Variants in RIPK1 observed in about 807,000 individuals in gnomAD.
RIPK1 encodes the protein receptor interacting serine/threonine kinase 1, also known as receptor-interacting serine/threonine-protein kinase 1.
Under a neutral mutation model 62.4 loss-of-function variants are expected in RIPK1, and 27 were observed. The ratio of observed to expected loss-of-function variants is 0.43; its 90% CI spans 0.32 to 0.60. RIPK1 has a LOEUF of 0.60. Among genes scored for constraint, RIPK1 ranks in the 20% least tolerant of loss-of-function variants. The probability of loss-of-function intolerance (pLI) is 0.07; values close to 1 mark genes in which losing one functional copy is unlikely to be tolerated. For synonymous variants in RIPK1, 287 were observed against 303.2 expected (o/e 0.95, Z 0.55); for missense variants, 735 against 831.0 (o/e 0.88, Z 1.42).
chr6:3,102,058 A>AT (rs1311064723), intron 7 of RIPK1, among the ~76,000 whole-genome samples: 1 of 152,170 alleles, frequency 6.6e-6, no homozygotes, highest in Non-Finnish European at 1.5e-5. Context: ...AGTCTGGCAT[A>AT]TTTCACTTAG....
Position 3,069,785 on chromosome 6 carries a change from A to T in RIPK1, c.-61+1124A>T, listed in dbSNP as rs932919460. On this transcript the variant is annotated intron_variant, in intron 1 of 10. Coordinates refer to ENST00000259808, the MANE Select transcript of RIPK1 (RefSeq NM_001354930.2). ...CGAGCACTTCGGAGGCCGAGGTGGG[A>T]GGATCACCTGAGGTCAGGAGTTCGA... Among the ~76,000 whole-genome samples, 7 of 152,148 alleles carry T rather than the reference A, an allele frequency of 4.6e-5. No homozygotes were observed. The East Asian group carries it at 1.3e-3, about 29-fold the overall frequency.
At chr6:3,089,508 TA>T (rs1759907247) in intron 6 of RIPK1, 72 bp from the exon 7 acceptor site, 1 of 788,712 alleles carries the variant, frequency 1.3e-6, no homozygotes, top group Non-Finnish European at 2.1e-6. Flanking sequence ...AATTCAAAGA[TA>T]ATAGATGGCT....
chr6:3,078,455 A>G (rs1210067255), intron 3 of RIPK1, among the ~76,000 whole-genome samples: 3 of 152,218 alleles, frequency 2.0e-5, no homozygotes, highest in African/African-American at 4.8e-5. Context: ...ACAGTCCTCC[A>G]TAGTCTGTGT....
rs919927487 is a variant in RIPK1, at chr6:3,114,977, C to T, written c.*1638C>T. 6 of 152,158 alleles carry T rather than the reference C, an allele frequency of 3.9e-5. No individual in the cohort carries two copies. The highest frequency in any genetic ancestry group is 3.9e-4 in the Admixed American group (6 of 15,280). The allele number at this position is 152,158 out of a possible 1,614,324, so 9.4% of individuals were successfully genotyped here. A position where few individuals can be genotyped will look rare whatever the true frequency, so the allele number is the denominator to read the frequency against. Reference sequence around the variant, plus strand: ...GTCCGGTTACTACTTGGCCACCACGCAGCCTTGGCTCCTACAGCCCAAAAG... The same window carrying T: ...GTCCGGTTACTACTTGGCCACCACGTAGCCTTGGCTCCTACAGCCCAAAAG... On this transcript the variant is annotated 3_prime_UTR_variant, in exon 11 of 11. Transcript: ENST00000259808. The surrounding 1 kb of genome is among the most constrained non-coding windows in gnomAD (Gnocchi z 5.0).
chr6:3,073,892 C>T (rs945585678), intron 1 of RIPK1, among the ~76,000 whole-genome samples: 12 of 152,244 alleles, frequency 7.9e-5, no homozygotes, highest in African/African-American at 2.9e-4. Flanking sequence ...CCACGACTAT[C>T]GTCTTAACAC....
At chr6:3,076,107 C>G (rs1759034254) in intron 1 of RIPK1, among the ~76,000 whole-genome samples, 1 of 152,112 alleles carries the variant, frequency 6.6e-6, no homozygotes, top group Non-Finnish European at 1.5e-5. Context: ...CCCTAGAGTT[C>G]TTTTCCTTTC....
Position 3,083,304 on chromosome 6 carries a change from C to A in RIPK1, c.679C>A (p.Pro227Thr). Reference sequence around the variant, plus strand: ...CTGGGCGATATTTGCAAATAAGGAGCCATATGAAAGTAAGGCATTACTTAC... The same window carrying A: ...CTGGGCGATATTTGCAAATAAGGAGACATATGAAAGTAAGGCATTACTTAC... The part of the protein sequence containing the change: ...VLWAIFANKE[P>T]YENAICEQQL... The change falls in exon 5 of 11, where the codon CCA becomes ACA. Residue 227 changes from proline (P) to threonine (T), a missense_variant. Transcript: ENST00000259808. The A allele has an allele frequency of 6.2e-7, 1 of 1,612,174 alleles. No individual in the cohort carries two copies. Among genetic ancestry groups the A allele is most frequent in the Non-Finnish European group, 8.5e-7 (1 of 1,179,676 alleles).
chr6:3,071,617 A>G (rs1193330536), intron 1 of RIPK1, among the ~76,000 whole-genome samples: 1 of 152,206 alleles, frequency 6.6e-6, no homozygotes, highest in Non-Finnish European at 1.5e-5. Context: ...AGTGCTCATA[A>G]AGTTGAATCT....
At chr6:3,077,708 T>C (rs1759149739) in intron 2 of RIPK1, 71 bp from the exon 3 acceptor site, 2 of 1,520,964 alleles carry the variant, frequency 1.3e-6, no homozygotes, top group Non-Finnish European at 1.8e-6. Context: ...GAGTGATGTG[T>C]TGGAGGTGTG....
chr6:3,065,478 C>A (rs970648550), upstream of RIPK1, among the ~76,000 whole-genome samples: 4 of 150,942 alleles, frequency 2.7e-5, no homozygotes, highest in African/African-American at 9.8e-5. Flanking sequence ...TTAGACCAGG[C>A]ACAGGATCCA....
At chr6:3,082,152 G>C (rs1437168570) in intron 4 of RIPK1, among the ~76,000 whole-genome samples, 1 of 152,172 alleles carries the variant, frequency 6.6e-6, no homozygotes, top group Non-Finnish European at 1.5e-5. Flanking sequence ...GGAAGCGGAA[G>C]GGGAAGCAGC....
chr6:3,101,956 C>T (rs890633329), intron 7 of RIPK1, among the ~76,000 whole-genome samples: 3 of 152,194 alleles, frequency 2.0e-5, no homozygotes, highest in Non-Finnish European at 2.9e-5. Context: ...CCATTCCTCC[C>T]TCTCCCAGCC....
chr6:3,085,084 A>G (rs900938038), intron 5 of RIPK1, among the ~76,000 whole-genome samples, 175 bp from the exon 6 acceptor site: 4 of 152,142 alleles, frequency 2.6e-5, no homozygotes, highest in Non-Finnish European at 4.4e-5. Flanking sequence ...ACATTAAGAT[A>G]TTGTTTGGTC....
intron 10 of RIPK1, among the ~76,000 whole-genome samples, chr6:3,111,511 CTTT>C (rs563970364): frequency 0.027 from 3,674 of 136,744 alleles, 85 homozygotes; most frequent in East Asian, 0.074. Flanking sequence ...GGGATTGGCG[CTTT>C]TTTTTTTTTT....
intron 7 of RIPK1, among the ~76,000 whole-genome samples, chr6:3,101,428 C>T (rs1164206572): frequency 6.6e-6 from 1 of 152,164 alleles, no homozygotes; most frequent in African/African-American, 2.4e-5. Flanking sequence ...GCACTCCTGC[C>T]TGGGCGACAG....
At chr6:3,068,241 G>A (rs1471280455), upstream of RIPK1, 2 of 985,482 alleles carry the variant, frequency 2.0e-6, no homozygotes, top group Non-Finnish European at 2.4e-6. Flanking sequence ...TGAATCCTCC[G>A]GATAGCGCCC....
intron 7 of RIPK1, among the ~76,000 whole-genome samples, chr6:3,095,959 C>T (rs899232721): frequency 4.0e-5 from 6 of 151,312 alleles, no homozygotes; most frequent in African/African-American, 1.5e-4. Flanking sequence ...ATCCTCTCAC[C>T]TCAGCCCCCT....
At chr6:3,071,030 G>A (rs1405665082) in intron 1 of RIPK1, among the ~76,000 whole-genome samples, 1 of 152,232 alleles carries the variant, frequency 6.6e-6, no homozygotes, top group Admixed American at 6.5e-5. Context: ...GGGTTATGAT[G>A]CTTGTTTAAA....
Position 3,100,403 on chromosome 6 carries a change from AAC to A in RIPK1, c.916-3820_916-3819del, listed in dbSNP as rs1158539854. Reference sequence around the variant, plus strand: ...TGTGCCACTACACTCCATCCTGGGCAACAGAGTGAAACTGTGTCTCAAATATA... The same window carrying A: ...TGTGCCACTACACTCCATCCTGGGCAAGAGTGAAACTGTGTCTCAAATATA... On this transcript the variant is annotated intron_variant, in intron 7 of 10. Transcript: ENST00000259808. 2.0e-5 allele frequency among the ~76,000 whole-genome samples: 3 copies of A among 152,072 alleles called. No individual in the cohort carries two copies. In the East Asian group the frequency reaches 5.8e-4, roughly 30 times the overall value.
Sources: allele counts gnomAD v4.1 joint callset (sites outside exome capture counted in the v4.1 genomes callset), GRCh38; gene constraint gnomAD v4.1.1; non-coding constraint Gnocchi (gnomAD v3.1); transcripts MANE v1.5; gene names NCBI Gene and HGNC (gene_info 2026-07-23, HGNC 2026-07-21).